The following RHOJ variants were observed in gnomAD, a reference collection of about 807,000 sequenced individuals.
RHOJ encodes rho-related GTP-binding protein RhoJ.
Under a neutral mutation model 23.4 loss-of-function variants are expected in RHOJ, and 11 were observed. The ratio of observed to expected loss-of-function variants is 0.47; its 90% CI spans 0.30 to 0.78. The LOEUF is 0.78. Ranked by LOEUF, RHOJ falls within the 30% of genes least tolerant of loss-of-function variation. The probability of loss-of-function intolerance (pLI) is 0.08; values close to 1 mark genes in which losing one functional copy is unlikely to be tolerated. For missense variants in RHOJ, 254 were observed against 273.4 expected (o/e 0.93, Z 0.50); for synonymous variants, 102 against 102.7 (o/e 0.99, Z 0.04).
intron 2 of RHOJ, among the ~76,000 whole-genome samples, chr14:63,270,310 G>T (rs1219475886): frequency 6.6e-6 from 1 of 151,970 alleles, no homozygotes; most frequent in Admixed American, 6.6e-5. Flanking sequence ...AAATGTGTGT[G>T]GAACATCAAA....
At chr14:63,254,645 A>C (rs1441497045) in intron 1 of RHOJ, among the ~76,000 whole-genome samples, 1 of 152,112 alleles carries the variant, frequency 6.6e-6, no homozygotes, top group African/African-American at 2.4e-5. Flanking sequence ...AGAAGAGAGA[A>C]GCGGGATACC....
At chr14:63,236,912 C>T (rs1894800086) in intron 1 of RHOJ, among the ~76,000 whole-genome samples, 1 of 152,156 alleles carries the variant, frequency 6.6e-6, no homozygotes, top group Non-Finnish European at 1.5e-5. Flanking sequence ...TAAACACATC[C>T]ACCTGTATAC....
chr14:63,213,422 A>G (rs1000779404), intron 1 of RHOJ, among the ~76,000 whole-genome samples: 1 of 152,180 alleles, frequency 6.6e-6, no homozygotes, highest in African/African-American at 2.4e-5. Context: ...TTTGCTTAGG[A>G]TAATGGCCTC....
At chr14:63,235,822 T>C (rs897416610) in intron 1 of RHOJ, among the ~76,000 whole-genome samples, 3 of 152,212 alleles carry the variant, frequency 2.0e-5, no homozygotes, top group African/African-American at 7.2e-5. Context: ...AATCAGAAAA[T>C]TGAATTTGCT....
chr14:63,274,427 G>C (rs1881650622), intron 2 of RHOJ, among the ~76,000 whole-genome samples: 1 of 152,148 alleles, frequency 6.6e-6, no homozygotes, highest in Non-Finnish European at 1.5e-5. Flanking sequence ...CCCAAATTAT[G>C]AAAAAGAGAG....
intron 1 of RHOJ, among the ~76,000 whole-genome samples, chr14:63,207,242 G>A (rs1170464137): frequency 6.6e-6 from 1 of 152,060 alleles, no homozygotes; most frequent in African/African-American, 2.4e-5. Context: ...ATGCTGGCCA[G>A]GCTGGTCTTG....
At chr14:63,235,815 C>T (rs1894779038) in intron 1 of RHOJ, among the ~76,000 whole-genome samples, 1 of 152,242 alleles carries the variant, frequency 6.6e-6, no homozygotes, top group Admixed American at 6.5e-5. Context: ...GTGTTTAAAT[C>T]AGAAAATTGA....
At chr14:63,226,379 G>A (rs913431246) in intron 1 of RHOJ, among the ~76,000 whole-genome samples, 1 of 151,650 alleles carries the variant, frequency 6.6e-6, no homozygotes, top group Non-Finnish European at 1.5e-5. Context: ...AGAATTAGAA[G>A]GAAATATAAA....
intron 2 of RHOJ, among the ~76,000 whole-genome samples, chr14:63,271,253 G>A (rs1421699674): frequency 6.6e-6 from 1 of 152,198 alleles, no homozygotes; most frequent in Non-Finnish European, 1.5e-5. Context: ...AAAGGAATCA[G>A]AATATATCTT....
At chr14:63,264,352 A>G (rs1895328750) in intron 1 of RHOJ, among the ~76,000 whole-genome samples, 1 of 152,166 alleles carries the variant, frequency 6.6e-6, no homozygotes, top group African/African-American at 2.4e-5. Context: ...ACATGATTTT[A>G]TTCTTTTTAT....
At chr14:63,264,762 C>A (rs1180230465) in intron 1 of RHOJ, among the ~76,000 whole-genome samples, 6 of 152,156 alleles carry the variant, frequency 3.9e-5, no homozygotes, top group Admixed American at 2.0e-4. Context: ...ATTTGCATTT[C>A]TCTGGTGATT....
intron 1 of RHOJ, among the ~76,000 whole-genome samples, chr14:63,232,653 T>C (rs971403270): frequency 6.6e-6 from 1 of 151,992 alleles, no homozygotes; most frequent in Admixed American, 6.6e-5. Flanking sequence ...GCATAATAAT[T>C]ATACCATACA....
At chr14:63,282,119 G>A (rs952425378) in intron 3 of RHOJ, among the ~76,000 whole-genome samples, 3 of 152,180 alleles carry the variant, frequency 2.0e-5, no homozygotes, top group African/African-American at 4.8e-5. Flanking sequence ...TTGTTTAAAT[G>A]AAGTCTTTTG....
intron 1 of RHOJ, among the ~76,000 whole-genome samples, chr14:63,243,026 A>G (rs1357121444): frequency 1.3e-5 from 2 of 152,216 alleles, no homozygotes; most frequent in African/African-American, 4.8e-5. Context: ...GACAATGCAT[A>G]TTGTAGGCAT....
intron 2 of RHOJ, among the ~76,000 whole-genome samples, chr14:63,272,452 A>G (rs1566627027): frequency 6.6e-6 from 1 of 152,232 alleles, no homozygotes; most frequent in Non-Finnish European, 1.5e-5. Flanking sequence ...CCAGCTATAG[A>G]GTCCATCTTG....
chr14:63,204,766 A>G lies in RHOJ; in HGVS notation c.-104A>G. The G allele has an allele frequency of 2.6e-6, 3 of 1,168,934 alleles. No individual in the cohort carries two copies. Among genetic ancestry groups the G allele is most frequent in the Non-Finnish European group, 3.7e-6 (3 of 809,852 alleles). 72.4% of individuals were successfully genotyped at this position (1,168,934 alleles called of 1,614,324 possible). On this transcript the variant is annotated 5_prime_UTR_variant, in exon 1 of 5. Coordinates refer to ENST00000316754, the MANE Select transcript of RHOJ (RefSeq NM_020663.5). ...TGATCCAAGGTACCCAAAGTCAGAC[A>G]GAGTAAACTCAAGCCTGGCACTGGC...
At chr14:63,243,482 G>A (rs1894921012) in intron 1 of RHOJ, among the ~76,000 whole-genome samples, 1 of 152,164 alleles carries the variant, frequency 6.6e-6, no homozygotes, top group African/African-American at 2.4e-5. Flanking sequence ...TGGGATTACA[G>A]GCACCCGCCA....
In RHOJ at chr14:63,217,623, G is replaced by A. The variant is rs998644903; in HGVS notation, c.178+12576G>A. Among the ~76,000 whole-genome samples, 7 of 152,220 alleles carry A rather than the reference G, an allele frequency of 4.6e-5. 1 individual carries two copies. In the South Asian group the frequency reaches 1.0e-3, roughly 23 times the overall value. ...CCTAGGCATTACCATTCAGGACACA[G>A]GCATGGGCAAGGACTTCATGTCTAA... On this transcript the variant is annotated intron_variant, in intron 1 of 4. Coordinates refer to ENST00000316754, the MANE Select transcript of RHOJ (RefSeq NM_020663.5).
At chr14:63,256,113 C>T (rs1418509434) in intron 1 of RHOJ, among the ~76,000 whole-genome samples, 2 of 151,970 alleles carry the variant, frequency 1.3e-5, no homozygotes, top group East Asian at 3.9e-4. Flanking sequence ...TCTTGAATTC[C>T]TGGGCTCAAG....
Sources: gnomAD v4.1 joint callset for allele counts (sites outside exome capture counted in the v4.1 genomes callset) on GRCh38, gnomAD v4.1.1 for gene constraint, MANE v1.5 for transcripts, NCBI Gene and HGNC (gene_info 2026-07-23, HGNC 2026-07-21) for gene names.